Variants in SGCD observed in about 807,000 individuals in gnomAD.
The protein encoded by SGCD is delta-sarcoglycan.
In SGCD, 18 loss-of-function variants were observed where a neutral mutation model predicts 36.6. That is an observed-to-expected ratio of 0.49 (90% CI 0.34 to 0.73). SGCD has a LOEUF of 0.73. Ranked by LOEUF, SGCD falls within the 30% of genes least tolerant of loss-of-function variation. The pLI is 0.01. For synonymous variants in SGCD, 133 were observed against 130.6 expected, an observed-to-expected ratio of 1.02 and a Z score of -0.12; for missense variants, 387 against 346.7, an observed-to-expected ratio of 1.12 and a Z score of -0.92.
intron 3 of SGCD, among the ~76,000 whole-genome samples, chr5:156,307,059 T>G (rs1376032183): frequency 1.6e-5 from 2 of 122,974 alleles, no homozygotes; most frequent in East Asian, 2.8e-4. Context: ...TTTTTTTTTT[T>G]GATTTAGAGT....
chr5:155,997,156 T>C (rs1758571033), intron 1 of SGCD, among the ~76,000 whole-genome samples: 1 of 152,262 alleles, frequency 6.6e-6, no homozygotes, highest in African/African-American at 2.4e-5. Context: ...TATTTTGTGG[T>C]GACTATGTAC....
intron 3 of SGCD, among the ~76,000 whole-genome samples, chr5:156,143,807 T>A (rs1193740382): frequency 6.6e-6 from 1 of 152,032 alleles, no homozygotes; most frequent in African/African-American, 2.4e-5. Flanking sequence ...TACATATGTA[T>A]ACATGTGCCA....
In SGCD at chr5:156,209,649, G is replaced by T. The variant is rs374805115; in HGVS notation, c.-44+85630G>T. ...ATCACTCCTGTAAACCCAGGTTGCA[G>T]GTTGGCCCCCACAATCTCAGGATTA... is the stretch of plus-strand genomic sequence containing the variant. On this transcript the variant is annotated intron_variant, in intron 3 of 9. Coordinates refer to the SGCD transcript ENST00000517913. 1.4e-4 allele frequency among the ~76,000 whole-genome samples: 22 copies of T among 152,308 alleles called. No homozygotes were observed. The South Asian group carries it at 4.6e-3, about 32-fold the overall frequency.
At chr5:156,680,246 G>T (rs1487581525) in intron 7 of SGCD, among the ~76,000 whole-genome samples, 1 of 152,098 alleles carries the variant, frequency 6.6e-6, no homozygotes, top group Non-Finnish European at 1.5e-5. Flanking sequence ...GCTAAGTAGG[G>T]TGTTCAGCAT....
At chr5:156,545,624 C>T (rs6880966) in intron 4 of SGCD, among the ~76,000 whole-genome samples, 5,699 of 152,180 alleles carry the variant, frequency 0.037, 235 homozygotes, top group African/African-American at 0.096. Flanking sequence ...CTATGAGAAG[C>T]TAATACCACT....
chr5:156,591,698 T>C (rs1232035453), intron 5 of SGCD, among the ~76,000 whole-genome samples: 2 of 152,314 alleles, frequency 1.3e-5, no homozygotes, highest in Middle Eastern at 3.4e-3. Context: ...GGGGGATTAA[T>C]TCAAGATTAG....
intron 3 of SGCD, among the ~76,000 whole-genome samples, chr5:156,254,096 T>A (rs191793849): frequency 6.6e-6 from 1 of 152,228 alleles, no homozygotes; most frequent in Non-Finnish European, 1.5e-5. Flanking sequence ...CATTTCTAGT[T>A]CTTATTTTAA....
At position 156,393,906 on chromosome 5, in the gene SGCD, G is replaced by A. The variant is rs180695724; in HGVS notation, c.192+49229G>A. 4 of 446,104 alleles carry A rather than the reference G, an allele frequency of 9.0e-6. No homozygotes were observed. The Admixed American group carries it at 9.4e-5, about 11-fold the overall frequency. 27.6% of individuals were successfully genotyped at this position (446,104 alleles called of 1,614,324 possible). A position where few individuals can be genotyped will look rare whatever the true frequency, so the allele number is the denominator to read the frequency against. ...TGGGTATGCCACTTAACAAATGTTG[G>A]TCGTTGACACTCACAAGAGATGGGT... On this transcript the variant is annotated intron_variant, in intron 3 of 8. Transcript: ENST00000337851.
chr5:156,703,152 G>T (rs1374201623), intron 7 of SGCD, among the ~76,000 whole-genome samples: 1 of 152,136 alleles, frequency 6.6e-6, no homozygotes, highest in Admixed American at 6.5e-5. Context: ...TTCTGACCTG[G>T]AAGTCTCATG....
At chr5:156,308,921 T>C (rs937387091) in intron 3 of SGCD, among the ~76,000 whole-genome samples, 11 of 152,234 alleles carry the variant, frequency 7.2e-5, no homozygotes, top group African/African-American at 2.7e-4. Flanking sequence ...GGCAGATTTG[T>C]AAAATATTAC....
chr5:155,865,134 A>AGATAGATG, the SGCD span, among the ~76,000 whole-genome samples: 2 of 151,998 alleles, frequency 1.3e-5, no homozygotes, highest in Non-Finnish European at 2.9e-5. Context: ...ATAGATAGAT[A>AGATAGATG]TTTACTGTTT....
chr5:156,296,714 G>T (rs1766901386), intron 3 of SGCD, among the ~76,000 whole-genome samples: 1 of 152,070 alleles, frequency 6.6e-6, no homozygotes, highest in South Asian at 2.1e-4. Flanking sequence ...ATAACATATG[G>T]TTTATCCTGG....
chr5:156,242,378 A>G (rs747182739), intron 3 of SGCD, among the ~76,000 whole-genome samples: 1 of 152,102 alleles, frequency 6.6e-6, no homozygotes, highest in African/African-American at 2.4e-5. Context: ...ACCATAGGAG[A>G]TTCTGGTAGT....
At chr5:155,923,480 G>A (rs570436880) in intron 1 of SGCD, among the ~76,000 whole-genome samples, 1 of 152,284 alleles carries the variant, frequency 6.6e-6, no homozygotes, top group Admixed American at 6.5e-5. Context: ...GCTGGAAAAT[G>A]GCAAAGATGA....
intron 3 of SGCD, among the ~76,000 whole-genome samples, chr5:156,312,547 A>T (rs1018110277): frequency 2.0e-5 from 3 of 152,194 alleles, no homozygotes; most frequent in African/African-American, 7.2e-5. Context: ...CATATTCATT[A>T]ATAGCAATGA....
chr5:156,252,041 T>C (rs1765592735), intron 3 of SGCD, among the ~76,000 whole-genome samples: 1 of 152,116 alleles, frequency 6.6e-6, no homozygotes, highest in Non-Finnish European at 1.5e-5. Flanking sequence ...TCCACTAATG[T>C]AGTACTCATT....
upstream of SGCD, among the ~76,000 whole-genome samples, chr5:155,866,296 T>C (rs1039485362): frequency 6.6e-6 from 1 of 152,204 alleles, no homozygotes; most frequent in African/African-American, 2.4e-5. Context: ...TGATCCCTAG[T>C]ATAGTTGGGT....
At chr5:156,334,885 G>A (rs961175262) in intron 2 of SGCD, among the ~76,000 whole-genome samples, 27 of 152,004 alleles carry the variant, frequency 1.8e-4, no homozygotes, top group Admixed American at 1.2e-3. Context: ...CTGAATATAC[G>A]TCTATGATAA....
the SGCD span, among the ~76,000 whole-genome samples, chr5:155,858,836 G>C: frequency 6.6e-5 from 10 of 152,056 alleles, no homozygotes; most frequent in African/African-American, 2.2e-4. Context: ...ACTGAATCAG[G>C]TTCCCTAGGT....
Sources: gnomAD v4.1 joint callset for allele counts (sites outside exome capture counted in the v4.1 genomes callset) on GRCh38, gnomAD v4.1.1 for gene constraint, MANE v1.5 for transcripts, NCBI Gene and HGNC (gene_info 2026-07-23, HGNC 2026-07-21) for gene names.